The following BMP5 variants were observed in gnomAD, a reference collection of about 807,000 sequenced individuals.
BMP5 encodes the protein bone morphogenetic protein 5.
A neutral mutation model predicts 46.6 loss-of-function variants in BMP5; 23 were observed. The observed-to-expected ratio is 0.49, with a 90% CI of 0.35 to 0.70. BMP5 has a LOEUF of 0.70. BMP5 is among the 30% of genes least tolerant of loss of function. The pLI, the probability that BMP5 is intolerant of heterozygous loss-of-function variation, is 0.00. For missense variants in BMP5, 545 were observed against 565.6 expected, an observed-to-expected ratio of 0.96 and a Z score of 0.37; for synonymous variants, 204 against 191.9, an observed-to-expected ratio of 1.06 and a Z score of -0.52.
chr6:55,874,748 A>G lies in BMP5; in HGVS notation c.118T>C (p.Tyr40His). 6.2e-7 allele frequency: 1 copy of G among 1,613,548 alleles called. No homozygotes were observed. Among genetic ancestry groups the G allele is most frequent in the African/African-American group, 1.3e-5 (1 of 74,970 alleles). ...CTTTCGTGGTTCCGTAGTCTTCTAT[A>G]AATAAAACTGGAGTGAACATGATTG... is the stretch of plus-strand genomic sequence containing the variant. ...GDNHVHSSFI[Y>H]RRLRNHERRE... Residue 40 changes from tyrosine (Y) to histidine (H), a missense_variant, in exon 1 of 7, where the codon TAT becomes CAT. Transcript: ENST00000370830.
intron 1 of BMP5, among the ~76,000 whole-genome samples, chr6:55,832,705 G>A (rs554386935): frequency 6.6e-6 from 1 of 152,230 alleles, no homozygotes; most frequent in Admixed American, 6.5e-5. Context: ...TATTAAACGT[G>A]CCAGGAGGTT....
intron 1 of BMP5, among the ~76,000 whole-genome samples, chr6:55,842,560 G>T (rs772147174): frequency 2.0e-5 from 3 of 151,960 alleles, no homozygotes; most frequent in Non-Finnish European, 4.4e-5. Flanking sequence ...AGGAACCCCA[G>T]ACTCCAATCA....
intron 1 of BMP5, among the ~76,000 whole-genome samples, chr6:55,843,167 A>C (rs1490190404): frequency 6.6e-6 from 1 of 152,252 alleles, no homozygotes; most frequent in East Asian, 1.9e-4. Flanking sequence ...TACACCATGC[A>C]AAACACGTTT....
At chr6:55,787,149 A>C (rs1411493634) in intron 3 of BMP5, among the ~76,000 whole-genome samples, 1 of 151,606 alleles carries the variant, frequency 6.6e-6, no homozygotes, top group African/African-American at 2.4e-5. Context: ...TGACACAGAT[A>C]AATTAAACCT....
At chr6:55,838,846 C>T (rs1011210043) in intron 1 of BMP5, among the ~76,000 whole-genome samples, 2 of 152,190 alleles carry the variant, frequency 1.3e-5, no homozygotes, top group Admixed American at 6.6e-5. Flanking sequence ...ACATGTTCCA[C>T]ATGGTGTTTT....
chr6:55,795,226 C>A (rs761590921), intron 2 of BMP5, among the ~76,000 whole-genome samples: 1 of 152,046 alleles, frequency 6.6e-6, no homozygotes, highest in Non-Finnish European at 1.5e-5. Flanking sequence ...CAGGCAGTTT[C>A]TGAGCTAAAA....
At chr6:55,762,583 A>G (rs570140768) in intron 4 of BMP5, among the ~76,000 whole-genome samples, 2 of 152,276 alleles carry the variant, frequency 1.3e-5, no homozygotes, top group African/African-American at 4.8e-5. Context: ...TCAGGGAAAT[A>G]TCTCCCTTGC....
At chr6:55,766,544 C>T (rs1345595857) in intron 4 of BMP5, among the ~76,000 whole-genome samples, 1 of 152,062 alleles carries the variant, frequency 6.6e-6, no homozygotes, top group African/African-American at 2.4e-5. Flanking sequence ...AATCTATGAT[C>T]TTCATTGCTT....
At chr6:55,810,906 GC>G (rs1776118034) in intron 2 of BMP5, among the ~76,000 whole-genome samples, 1 of 152,036 alleles carries the variant, frequency 6.6e-6, no homozygotes, top group Admixed American at 6.6e-5. Context: ...ACACATACCT[GC>G]CCCCTATCAA....
At chr6:55,819,542 T>A in intron 2 of BMP5, 113 bp downstream of exon 2, 3 of 873,388 alleles carry the variant, frequency 3.4e-6, no homozygotes, top group Non-Finnish European at 5.4e-6. Flanking sequence ...TAAATGTTAC[T>A]ACATTGCCCC....
chr6:55,864,871 A>T (rs578188473), intron 1 of BMP5, among the ~76,000 whole-genome samples: 1 of 152,256 alleles, frequency 6.6e-6, no homozygotes, highest in East Asian at 1.9e-4. Flanking sequence ...ATAACAACTC[A>T]AGATAATTAA....
At position 55,864,932 on chromosome 6, in the gene BMP5, G is replaced by A. The variant is rs559667615; in HGVS notation, c.490+9444C>T. On this transcript the variant is annotated intron_variant, in intron 1 of 6. Coordinates refer to ENST00000370830, the MANE Select transcript of BMP5 (RefSeq NM_021073.4). ...AAAAAAAAAACCCAAACAAATCGTC[G>A]AGGAAAGTCACAATACTTAAGGCTG... Among the ~76,000 whole-genome samples, 21 of 151,068 alleles carry A rather than the reference G, an allele frequency of 1.4e-4. No individual in the cohort carries two copies. The South Asian group carries it at 3.6e-3, about 26-fold the overall frequency.
At chr6:55,812,285 A>C (rs1776154682) in intron 2 of BMP5, among the ~76,000 whole-genome samples, 1 of 152,224 alleles carries the variant, frequency 6.6e-6, no homozygotes, top group Non-Finnish European at 1.5e-5. Flanking sequence ...TTTAAATATG[A>C]GTAGGGATAA....
chr6:55,813,551 G>GA (rs145178869), intron 2 of BMP5, among the ~76,000 whole-genome samples: 26,821 of 151,738 alleles, frequency 0.18, 2,566 homozygotes, highest in Middle Eastern at 0.26. Flanking sequence ...GCACTTTTGG[G>GA]GGCCGAGGCG....
At chr6:55,769,190 G>T (rs1168455351) in intron 4 of BMP5, among the ~76,000 whole-genome samples, 1 of 151,872 alleles carries the variant, frequency 6.6e-6, no homozygotes, top group Non-Finnish European at 1.5e-5. Context: ...TTTCACAAAA[G>T]ATTCTTTGTG....
intron 1 of BMP5, among the ~76,000 whole-genome samples, chr6:55,862,889 T>TA (rs954462337): frequency 3.1e-4 from 47 of 152,058 alleles, no homozygotes; most frequent in South Asian, 8.3e-4. Flanking sequence ...AACAGACTTT[T>TA]AAAAAAAATT....
At chr6:55,792,188 C>G (rs760619904) in intron 3 of BMP5, among the ~76,000 whole-genome samples, 1 of 152,196 alleles carries the variant, frequency 6.6e-6, no homozygotes, top group African/African-American at 2.4e-5. Context: ...TAGGGAAGGT[C>G]TGAACCTTTG....
At chr6:55,755,783 C>T in intron 6 of BMP5, 101 bp from the exon 7 acceptor site, 1 of 1,150,332 alleles carries the variant, frequency 8.7e-7, no homozygotes, top group East Asian at 2.6e-5. Context: ...ATCAGGCACA[C>T]CATTAAGCTG....
chr6:55,776,451 GA>G lies in BMP5; in HGVS notation c.833-2209del, dbSNP rs145624046. Among the ~76,000 whole-genome samples the G allele has an allele frequency of 5.3e-3, 756 of 142,310 alleles. 6 individuals are homozygous for G. Among genetic ancestry groups the G allele is most frequent in the Non-Finnish European group, 6.9e-3 (449 of 64,638 alleles). The allele number at this position is 142,310 out of a possible 152,430, so 93.4% of individuals were successfully genotyped here. On this transcript the variant is annotated intron_variant, in intron 3 of 6. Transcript: ENST00000370830. ...TCCAGTGACAGAGAGCTTAGCAAAA[GA>G]AAAAAAAAAGAACTGAGAAACTTAA...
Sources: gnomAD v4.1 joint callset for allele counts (sites outside exome capture counted in the v4.1 genomes callset) on GRCh38, gnomAD v4.1.1 for gene constraint, MANE v1.5 for transcripts, NCBI Gene and HGNC (gene_info 2026-07-23, HGNC 2026-07-21) for gene names.